PLPPR4: variants seen among roughly 807,000 people sequenced by gnomAD.
The protein encoded by PLPPR4 is phospholipid phosphatase related 4.
A neutral mutation model predicts 56.6 loss-of-function variants in PLPPR4; 24 were observed. The ratio of observed to expected loss-of-function variants is 0.42; its 90% CI spans 0.31 to 0.60. The LOEUF (loss-of-function observed/expected upper bound fraction) is 0.60. Among genes scored for constraint, PLPPR4 ranks in the 20% least tolerant of loss-of-function variants. PLPPR4 has a pLI of 0.13. For missense variants in PLPPR4, 654 were observed against 885.8 expected (o/e 0.74, Z 3.32); for synonymous variants, 326 against 328.1 (o/e 0.99, Z 0.07).
chr1:99,288,071 T>A lies in PLPPR4; in HGVS notation c.185T>A (p.Met62Lys). The A allele has an allele frequency of 6.2e-7, 1 of 1,613,940 alleles. No individual in the cohort carries two copies. The highest frequency in any genetic ancestry group is 8.5e-7 in the Non-Finnish European group (1 of 1,179,874). ...AGCTGCTATGACCGGAGTCTTAGCA[T>A]GCCGTACATTGAACCAACCCAGGAG... ...GFSCYDRSLS[M>K]PYIEPTQEAI... The change falls in exon 2 of 7, where the codon ATG becomes AAG. Residue 62 changes from methionine to lysine, a missense_variant. Physicochemically the swap from Met to Lys is moderately conservative, Grantham distance 95 (BLOSUM62 -1). This residue lies in a region of PLPPR4 where 186 missense variants were observed against 331.4 expected (regional missense o/e 0.56). Transcript: ENST00000370185.
In PLPPR4 at chr1:99,306,575, G is replaced by C. The variant is rs140502531; in HGVS notation, c.1713G>C (p.Gly571=). 2 of 1,614,122 alleles carry C rather than the reference G, an allele frequency of 1.2e-6. No homozygotes were observed. The highest frequency in any genetic ancestry group is 8.5e-7 in the Non-Finnish European group (1 of 1,180,018). The change falls in exon 7 of 7, where the codon GGG becomes GGC. Residue 571 remains glycine (G), a synonymous_variant. Transcript: ENST00000370185. The surrounding 1 kb of genome is among the most constrained non-coding windows in gnomAD (Gnocchi z 4.0). ...YKTLTDHEPS[G]IVRVEAHPEN... ...CCTTGACAGACCATGAGCCCAGTGG[G>C]ATAGTGAGGGTTGAGGCTCACCCAG...
chr1:99,306,806 C>G lies in PLPPR4; in HGVS notation c.1944C>G (p.His648Gln), dbSNP rs749513470. The change falls in exon 7 of 7, where the codon CAC becomes CAG. Residue 648 changes from histidine (H) to glutamine (Q), a missense_variant. Coordinates refer to ENST00000370185, the MANE Select transcript of PLPPR4 (RefSeq NM_014839.5). This position sits in a 1 kb window ranked among gnomAD's most constrained non-coding sequence, Gnocchi z 4.0. ...GCAACATTGATAGCAATGAGCATCA[C>G]CACCACGGAATTACCACCATCCGCG... is the stretch of plus-strand genomic sequence containing the variant. Reference protein sequence around the residue: ...KRSNIDSNEHHHHGITTIRVT... With the variant: ...KRSNIDSNEHQHHGITTIRVT... The G allele has an allele frequency of 2.5e-6, 4 of 1,613,930 alleles. No homozygotes were observed. In the South Asian group the frequency reaches 4.4e-5, roughly 18 times the overall value.
In PLPPR4 at chr1:99,264,633, G is replaced by A. The variant is rs1389162926; in HGVS notation, c.40G>A (p.Asp14Asn). The A allele has an allele frequency of 6.4e-7, 1 of 1,550,582 alleles. No homozygotes were observed. The highest frequency in any genetic ancestry group is 8.7e-7 in the Non-Finnish European group (1 of 1,147,002). ...KERPKGKVIKDSVTLLPCFYF... is the reference protein window; with the variant it reads ...KERPKGKVIKNSVTLLPCFYF... ...GAGGCCAAAGGGCAAAGTGATCAAGGACAGCGTCACCCTCCTGCCCTGCTT... is the reference window on the plus strand; with the variant it reads ...GAGGCCAAAGGGCAAAGTGATCAAGAACAGCGTCACCCTCCTGCCCTGCTT... Residue 14 changes from aspartate to asparagine, a missense_variant, in exon 1 of 7, where the codon GAC becomes AAC. Physicochemically the swap from Asp to Asn is conservative, Grantham distance 23. Transcript: ENST00000370185.
At chr1:99,264,801 C>T in intron 1 of PLPPR4, 130 bp downstream of exon 1, 1 of 881,934 alleles carries the variant, frequency 1.1e-6, no homozygotes, top group African/African-American at 1.7e-5. Context: ...ATGCCCGACC[C>T]TCCCCTCTTC....
chr1:99,285,696 T>C (rs1659447139), intron 1 of PLPPR4, among the ~76,000 whole-genome samples: 1 of 152,138 alleles, frequency 6.6e-6, no homozygotes, highest in Non-Finnish European at 1.5e-5. Context: ...TAATGCTGTC[T>C]TCTAAAAATA....
Position 99,308,864 on chromosome 1 carries a change from A to C in PLPPR4, c.*1854A>C, listed in dbSNP as rs531272530. On this transcript the variant is annotated 3_prime_UTR_variant, in exon 7 of 7. Transcript: ENST00000370185. The stretch of plus-strand genomic sequence containing the variant: ...CACCACCACCGCCATCATGACGCTC[A>C]TACTGGCTTTTGCCTGTTTGTAGAG... 1 of 152,702 alleles carries C rather than the reference A, an allele frequency of 6.5e-6. No homozygotes were observed. Among genetic ancestry groups the C allele is most frequent in the East Asian group, 1.9e-4 (1 of 5,186 alleles). 9.5% of individuals were successfully genotyped at this position (152,702 alleles called of 1,614,324 possible).
At chr1:99,294,647 G>C (rs1659698150) in intron 2 of PLPPR4, among the ~76,000 whole-genome samples, 1 of 144,354 alleles carries the variant, frequency 6.9e-6, no homozygotes. Flanking sequence ...AGTGAGCCAA[G>C]ATCACACCAT....
At chr1:99,264,337 T>C (rs1570901514), upstream of PLPPR4, 1 of 895,726 alleles carries the variant, frequency 1.1e-6, no homozygotes, top group Middle Eastern at 3.5e-4. Context: ...GGACGTCGTC[T>C]CTCGCCAGAA....
chr1:99,305,801 A>G lies in PLPPR4; in HGVS notation c.939A>G (p.Lys313=), dbSNP rs1361740759. ...NQDPNRLLSA[K]NGSSSDGIAH... ...ATCCCAACCGACTTTTATCTGCTAA[A>G]AATGGTAGCAGCAGTGATGGAATTG... The change falls in exon 7 of 7, where the codon AAA becomes AAG. Residue 313 remains lysine (K), a synonymous_variant. Transcript: ENST00000370185. 1 of 1,614,000 alleles carries G rather than the reference A, an allele frequency of 6.2e-7. No homozygotes were observed. Among genetic ancestry groups the G allele is most frequent in the African/African-American group, 1.3e-5 (1 of 74,904 alleles).
At chr1:99,265,758 T>C (rs952412662) in intron 1 of PLPPR4, among the ~76,000 whole-genome samples, 76 of 152,334 alleles carry the variant, frequency 5.0e-4, no homozygotes, top group African/African-American at 1.7e-3. Context: ...TATTCAATGA[T>C]TGTAAGGCTT....
Position 99,306,943 on chromosome 1 carries a change from A to G in PLPPR4, c.2081A>G (p.Asn694Ser). Residue 694 changes from asparagine to serine, a missense_variant, in exon 7 of 7, where the codon AAC becomes AGC. Physicochemically the swap from Asn to Ser is conservative, Grantham distance 46. Transcript: ENST00000370185. The surrounding 1 kb of genome is among the most constrained non-coding windows in gnomAD (Gnocchi z 4.0). ...ATCATTCTAATCCCTGAAAGAAGCA[A>G]CAGCCCCGAAAACACTAGAAATATC... ...GNIILIPERS[N>S]SPENTRNIFY... 1 of 1,613,672 alleles carries G rather than the reference A, an allele frequency of 6.2e-7. No individual in the cohort carries two copies. The highest frequency in any genetic ancestry group is 2.2e-5 in the East Asian group (1 of 44,876).
intron 6 of PLPPR4, among the ~76,000 whole-genome samples, chr1:99,302,964 T>G (rs947244630): frequency 6.6e-6 from 1 of 152,028 alleles, no homozygotes; most frequent in African/African-American, 2.4e-5. Context: ...GATGTATTCT[T>G]CAGAAGTTTA....
chr1:99,302,767 T>A (rs560508050), intron 6 of PLPPR4, among the ~76,000 whole-genome samples: 1 of 148,924 alleles, frequency 6.7e-6, no homozygotes, highest in East Asian at 2.0e-4. Flanking sequence ...ATGCGGTGTT[T>A]GGTTTTTTAT....
chr1:99,280,213 TGGGTAGGA>T (rs1659287173), intron 1 of PLPPR4, among the ~76,000 whole-genome samples: 2 of 152,168 alleles, frequency 1.3e-5, no homozygotes. Context: ...CTTAGACACC[TGGGTAGGA>T]GTCTGGGTGT....
intron 2 of PLPPR4, among the ~76,000 whole-genome samples, chr1:99,288,988 CAT>C (rs1291182761): frequency 9.2e-5 from 14 of 151,972 alleles, no homozygotes; most frequent in African/African-American, 3.4e-4. Flanking sequence ...GAATTCAAAA[CAT>C]AGTTGTTTTT....
At chr1:99,296,983 A>G (rs1257430060) in intron 3 of PLPPR4, 116 bp downstream of exon 3, 1 of 1,097,122 alleles carries the variant, frequency 9.1e-7, no homozygotes, top group Non-Finnish European at 1.2e-6. Flanking sequence ...ATTTCAGTAC[A>G]TGATGAGTTT....
chr1:99,270,031 G>C (rs1016138904), intron 1 of PLPPR4, among the ~76,000 whole-genome samples: 1 of 151,272 alleles, frequency 6.6e-6, no homozygotes, highest in Non-Finnish European at 1.5e-5. Context: ...GTGTGTGTGT[G>C]TGTGTGTGTG....
chr1:99,281,224 G>C (rs1659315649), intron 1 of PLPPR4, among the ~76,000 whole-genome samples: 2 of 152,118 alleles, frequency 1.3e-5, no homozygotes, highest in Admixed American at 1.3e-4. Context: ...AATCCCAAAA[G>C]CTGGCAGAAT....
chr1:99,266,076 G>T (rs1658889680), intron 1 of PLPPR4, among the ~76,000 whole-genome samples: 1 of 152,174 alleles, frequency 6.6e-6, no homozygotes, highest in African/African-American at 2.4e-5. Context: ...TTTGTTGAAA[G>T]ATAATAAAGA....
Sources: allele counts gnomAD v4.1 joint callset (sites outside exome capture counted in the v4.1 genomes callset), GRCh38; gene constraint gnomAD v4.1.1; regional missense constraint gnomAD v4.1.1; non-coding constraint Gnocchi (gnomAD v3.1); transcripts MANE v1.5; gene names NCBI Gene and HGNC (gene_info 2026-07-23, HGNC 2026-07-21).